The following ANO7 variants were observed in gnomAD, a reference collection of about 807,000 sequenced individuals.
The protein encoded by ANO7 is anoctamin-7.
ANO7 carries 114 observed loss-of-function variants against 115.8 expected under a neutral mutation model. That is an observed-to-expected ratio of 0.98 (90% CI 0.85 to 1.15). The LOEUF (loss-of-function observed/expected upper bound fraction) is 1.15. Ranked by LOEUF, ANO7 falls within the 50% of genes most tolerant of loss-of-function variation. ANO7 has a pLI of 0.00. For missense variants in ANO7, 1,302 were observed against 1,201.2 expected (o/e 1.08, Z -1.24); for synonymous variants, 550 against 498.2 (o/e 1.10, Z -1.38).
the ANO7 span, chr2:241,240,154 A>C: frequency 6.2e-7 from 1 of 1,602,946 alleles, no homozygotes; most frequent in Non-Finnish European, 8.5e-7. The surrounding 1 kb of genome is among the most constrained non-coding windows in gnomAD (Gnocchi z 5.5). Flanking sequence ...TGTTAGCCTG[A>C]CACCACGTGC....
intron 3 of ANO7, among the ~76,000 whole-genome samples, chr2:241,194,033 G>A (rs527893957): frequency 6.6e-5 from 10 of 152,154 alleles, no homozygotes; most frequent in East Asian, 5.8e-4. Context: ...GTGCCACCAC[G>A]CCTGGCTAAT....
Position 241,203,581 on chromosome 2 carries a change from C to G in ANO7, c.889+83C>G, listed in dbSNP as rs2068522434. 1 of 1,087,722 alleles carries G rather than the reference C, an allele frequency of 9.2e-7. No homozygotes were observed. Among genetic ancestry groups the G allele is most frequent in the African/African-American group, 1.7e-5 (1 of 60,306 alleles). 67.4% of individuals were successfully genotyped at this position (1,087,722 alleles called of 1,614,324 possible). A position where few individuals can be genotyped will look rare whatever the true frequency, so the allele number is the denominator to read the frequency against. On this transcript the variant is annotated intron_variant, in intron 9 of 24. Transcript: ENST00000674324. This position sits in a 1 kb window ranked among gnomAD's most constrained non-coding sequence, Gnocchi z 4.8. ...TGTAACAATTTGCCAGTCCGTACCC[C>G]TGGAGGGCAGCGTGCGTGGGGGCCT...
downstream of ANO7, chr2:241,229,548 G>A (rs1478125723): frequency 1.5e-6 from 2 of 1,304,072 alleles, no homozygotes; most frequent in Non-Finnish European, 2.2e-6. Context: ...ACAAACCATT[G>A]TGTGGTTGGG....
In ANO7 at chr2:241,223,851, C is replaced by T. The variant is rs113519255; in HGVS notation, c.2533-54C>T. 406 of 1,614,016 alleles carry T rather than the reference C, an allele frequency of 2.5e-4. No homozygotes were observed. In the African/African-American group the frequency reaches 4.4e-3, roughly 17 times the overall value. ...CTATCCTTGTCAGTGGCTGCTCTAC[C>T]TCCGGACACTGAGTCACATCCCTCT... On this transcript the variant is annotated intron_variant, in intron 23 of 24. Coordinates refer to ENST00000674324, the MANE Select transcript of ANO7 (RefSeq NM_001370694.2).
chr2:241,203,358 G>A lies in ANO7; in HGVS notation c.749G>A (p.Gly250Asp). Reference protein sequence around the residue: ...HDGPFKTPPEGPQAPRLNQRQ... With the variant: ...HDGPFKTPPEDPQAPRLNQRQ... ...GGCCCCTTCAAGACGCCCCCAGAGG[G>A]CCCGCAGGCTCCACGCCTCAACCAG... The change falls in exon 9 of 25, where the codon GGC (glycine) becomes GAC (aspartate). Residue 250 changes from glycine (G) to aspartate (D), a missense_variant. Gly to Asp is a moderately conservative substitution (Grantham distance 94, BLOSUM62 -1). Coordinates refer to ENST00000674324, the MANE Select transcript of ANO7 (RefSeq NM_001370694.2). This position sits in a 1 kb window ranked among gnomAD's most constrained non-coding sequence, Gnocchi z 4.8. The A allele has an allele frequency of 6.3e-7, 1 of 1,578,400 alleles. No homozygotes were observed. Among genetic ancestry groups the A allele is most frequent in the South Asian group, 1.2e-5 (1 of 86,566 alleles).
chr2:241,203,256 T>A lies in ANO7; in HGVS notation c.724-77T>A. ...AGGCCTGTCTGCCCATGTCCCACAC[T>A]GAAGCCCCTGCACCTACAACAGTGC... On this transcript the variant is annotated intron_variant, in intron 8 of 24. Coordinates refer to ENST00000674324, the MANE Select transcript of ANO7 (RefSeq NM_001370694.2). This position sits in a 1 kb window ranked among gnomAD's most constrained non-coding sequence, Gnocchi z 4.8. The A allele has an allele frequency of 9.3e-6, 11 of 1,181,026 alleles. No individual in the cohort carries two copies. Among genetic ancestry groups the A allele is most frequent in the Admixed American group, 3.6e-5 (1 of 27,988 alleles). 73.2% of individuals were successfully genotyped at this position (1,181,026 alleles called of 1,614,324 possible).
chr2:241,229,955 C>A, downstream of ANO7: 2 of 1,596,378 alleles, frequency 1.3e-6, no homozygotes, highest in African/African-American at 2.7e-5. Flanking sequence ...TCCACCACGT[C>A]AGCTAGCTGC....
At chr2:241,231,745 A>T in the ANO7 span, among the ~76,000 whole-genome samples, 1 of 152,110 alleles carries the variant, frequency 6.6e-6, no homozygotes, top group Non-Finnish European at 1.5e-5. Flanking sequence ...ACACCATACC[A>T]GACTTGGGAT....
At chr2:241,204,632 T>A (rs932337599) in intron 9 of ANO7, among the ~76,000 whole-genome samples, 6 of 151,822 alleles carry the variant, frequency 4.0e-5, no homozygotes, top group Non-Finnish European at 8.8e-5. Context: ...GCAGCACTGG[T>A]GTTGGGGTCA....
chr2:241,218,256 C>G lies in ANO7; in HGVS notation c.2196C>G (p.Phe732Leu). Reference protein sequence around the residue: ...AVISNAFLLAFSSDFLPRAYY... With the variant: ...AVISNAFLLALSSDFLPRAYY... ...GCGCCCAGGCCTTCCTCCTGGCCTT[C>G]TCGTCCGACTTCCTGCCGCGCGCCT... is the stretch of plus-strand genomic sequence containing the variant. Residue 732 changes from phenylalanine to leucine, a missense_variant, in exon 21 of 25, where the codon TTC (phenylalanine) becomes TTG (leucine). Coordinates refer to ENST00000674324, the MANE Select transcript of ANO7 (RefSeq NM_001370694.2). 6.5e-7 allele frequency: 1 copy of G among 1,528,344 alleles called. No individual in the cohort carries two copies. The highest frequency in any genetic ancestry group is 8.7e-7 in the Non-Finnish European group (1 of 1,144,940). 94.7% of individuals were successfully genotyped at this position (1,528,344 alleles called of 1,614,324 possible).
chr2:241,209,656 C>T (rs1559449878), intron 13 of ANO7, 21 bp downstream of exon 13: 2 of 1,522,206 alleles, frequency 1.3e-6, no homozygotes, highest in African/African-American at 2.8e-5. Context: ...CCCCTGCCCT[C>T]CGCTCACGCC....
At chr2:241,209,230 G>C in intron 11 of ANO7, 55 bp from the exon 12 acceptor site, 1 of 1,515,784 alleles carries the variant, frequency 6.6e-7, no homozygotes, top group Non-Finnish European at 8.8e-7. Context: ...ACACTGGAAG[G>C]AACAAGGGGC....
chr2:241,188,871 G>A lies in ANO7; in HGVS notation c.-8+105G>A. On this transcript the variant is annotated intron_variant, in intron 1 of 24. Transcript: ENST00000674324. This position sits in a 1 kb window ranked among gnomAD's most constrained non-coding sequence, Gnocchi z 4.3. ...CCCACCGGGACTTTCACACACCCTG[G>A]CCTGTGGGGAGGCAGTGCCAGGGCC... is the stretch of plus-strand genomic sequence containing the variant. The A allele has an allele frequency of 6.9e-7, 1 of 1,445,264 alleles. No individual in the cohort carries two copies. Among genetic ancestry groups the A allele is most frequent in the East Asian group, 2.4e-5 (1 of 41,646 alleles). The allele number at this position is 1,445,264 out of a possible 1,614,324, so 89.5% of individuals were successfully genotyped here. A position where few individuals can be genotyped will look rare whatever the true frequency, so the allele number is the denominator to read the frequency against.
chr2:241,209,767 G>GAGGC, intron 13 of ANO7, 132 bp downstream of exon 13: 1 of 1,312,572 alleles, frequency 7.6e-7, no homozygotes, highest in Non-Finnish European at 1.0e-6. Context: ...TCCCCGCAGA[G>GAGGC]AGGCCCCCAT....
chr2:241,225,649 A>C lies in ANO7; in HGVS notation c.*1496A>C, dbSNP rs1476275632. On this transcript the variant is annotated 3_prime_UTR_variant, in exon 25 of 25. Transcript: ENST00000674324. ...CCTGCGTTCTATTTCACCCACCGTG[A>C]TGCCTGGCCTGAGGGCGGCGTGCTT... is the stretch of plus-strand genomic sequence containing the variant. 6.6e-6 allele frequency among the ~76,000 whole-genome samples: 1 copy of C among 150,664 alleles called. No individual in the cohort carries two copies.
rs756383987 is a variant in ANO7, at chr2:241,217,851, A to G, written c.2138A>G (p.His713Arg). The G allele has an allele frequency of 6.2e-7, 1 of 1,602,862 alleles. No homozygotes were observed. The highest frequency in any genetic ancestry group is 1.7e-4 in the Middle Eastern group (1 of 6,022). ...GCCCAGGACATCGGCATCTGGTTCC[A>G]CATCCTGGCGGGCCTCACGCACCTG... The part of the protein sequence containing the change: ...ERAQDIGIWF[H>R]ILAGLTHLAV... The change falls in exon 20 of 25, where the codon CAC (histidine) becomes CGC (arginine). Residue 713 changes from histidine to arginine, a missense_variant. Transcript: ENST00000674324.
At chr2:241,205,772 T>G (rs1199185081) in intron 10 of ANO7, among the ~76,000 whole-genome samples, 5 of 61,124 alleles carry the variant, frequency 8.2e-5, no homozygotes, top group Admixed American at 3.1e-4. Flanking sequence ...GTGCTCCCAG[T>G]CTGACAGGTG....
downstream of ANO7, chr2:241,230,302 C>T (rs779420861): frequency 3.1e-6 from 4 of 1,307,500 alleles, no homozygotes; most frequent in Admixed American, 4.4e-5. The surrounding 1 kb of genome is among the most constrained non-coding windows in gnomAD (Gnocchi z 5.0). Flanking sequence ...GATGAGGGGA[C>T]TCCAAGCGAG....
chr2:241,211,018 A>T, intron 15 of ANO7, among the ~76,000 whole-genome samples: 1 of 152,098 alleles, frequency 6.6e-6, no homozygotes, highest in East Asian at 1.9e-4. Flanking sequence ...GACACAAACA[A>T]TCCCTGGGTT....
Sources: gnomAD v4.1 joint callset for allele counts (sites outside exome capture counted in the v4.1 genomes callset) on GRCh38, gnomAD v4.1.1 for gene constraint, Gnocchi (gnomAD v3.1) non-coding constraint, MANE v1.5 for transcripts, NCBI Gene and HGNC (gene_info 2026-07-23, HGNC 2026-07-21) for gene names.